Variants in ZNF385D observed in about 807,000 individuals in gnomAD.
ZNF385D encodes zinc finger protein 385D, also known as zinc finger protein 659.
Under a neutral mutation model 35.8 loss-of-function variants are expected in ZNF385D, and 15 were observed. That is an observed-to-expected ratio of 0.42 (90% CI 0.28 to 0.64). The LOEUF (loss-of-function observed/expected upper bound fraction) is 0.64, where lower values mean the gene tolerates loss of function less well. ZNF385D is among the 30% of genes least tolerant of loss of function. The probability of loss-of-function intolerance (pLI) is 0.23; values close to 1 mark genes in which losing one functional copy is unlikely to be tolerated. For missense variants in ZNF385D, 474 were observed against 494.6 expected (o/e 0.96, Z 0.39); for synonymous variants, 212 against 186.8 (o/e 1.13, Z -1.10).
chr3:21,780,917 C>T (rs1385192787), intron 3 of ZNF385D, among the ~76,000 whole-genome samples: 1 of 152,058 alleles, frequency 6.6e-6, no homozygotes. Context: ...GTGGAGGACA[C>T]GATGTGGGCA....
intron 3 of ZNF385D, among the ~76,000 whole-genome samples, chr3:22,127,533 T>A (rs974754329): frequency 3.3e-5 from 5 of 151,674 alleles, no homozygotes; most frequent in Non-Finnish European, 7.4e-5. Context: ...AGAGATGGGG[T>A]TTCACCATGT....
intron 3 of ZNF385D, among the ~76,000 whole-genome samples, chr3:21,531,137 A>G (rs182592684): frequency 6.6e-6 from 1 of 152,296 alleles, no homozygotes; most frequent in Admixed American, 6.5e-5. Flanking sequence ...ACAGATTATG[A>G]TACTTTTAGG....
At chr3:21,811,804 G>A (rs1047680723) in intron 3 of ZNF385D, among the ~76,000 whole-genome samples, 1 of 152,150 alleles carries the variant, frequency 6.6e-6, no homozygotes, top group African/African-American at 2.4e-5. Context: ...AATAAAATAA[G>A]GTGCCTAGGC....
At chr3:21,740,972 T>C (rs73048207) in intron 1 of ZNF385D, among the ~76,000 whole-genome samples, 30,214 of 152,146 alleles carry the variant, frequency 0.2, 3,080 homozygotes, top group Middle Eastern at 0.33. Context: ...GATTCTTTTG[T>C]ACAGCCAGGG....
At chr3:22,251,925 A>G (rs1003608254) in intron 2 of ZNF385D, among the ~76,000 whole-genome samples, 1 of 152,114 alleles carries the variant, frequency 6.6e-6, no homozygotes, top group Non-Finnish European at 1.5e-5. Flanking sequence ...CCTACCTCAC[A>G]GGACTCTGAC....
chr3:21,915,754 A>T (rs551684875), intron 3 of ZNF385D, among the ~76,000 whole-genome samples: 4 of 152,174 alleles, frequency 2.6e-5, no homozygotes, highest in Non-Finnish European at 4.4e-5. Context: ...GAAATCAAGG[A>T]CTTATTTAGA....
chr3:21,626,442 G>C (rs2065137020), intron 2 of ZNF385D, among the ~76,000 whole-genome samples: 1 of 152,116 alleles, frequency 6.6e-6, no homozygotes, highest in Admixed American at 6.6e-5. Flanking sequence ...TTATGTAGAG[G>C]ATGGAATGTC....
rs78080401 is a variant in ZNF385D at position 22,273,133 on chromosome 3, A to T, written c.106+99317T>A. Among the ~76,000 whole-genome samples the T allele has an allele frequency of 6.2e-3, 949 of 152,120 alleles. 12 individuals are homozygous for T. The highest frequency in any genetic ancestry group is 0.022 in the African/African-American group (921 of 41,554). On this transcript the variant is annotated intron_variant, in intron 2 of 5. Coordinates refer to the ZNF385D transcript ENST00000494108. ...AAGAATCATTTTACAGAGTAACAAT[A>T]TATTTCCCTGGACTAAAGGTAAACA...
At chr3:21,689,853 T>C (rs1254957368) in intron 1 of ZNF385D, among the ~76,000 whole-genome samples, 1 of 147,496 alleles carries the variant, frequency 6.8e-6, no homozygotes, top group East Asian at 2.0e-4. Context: ...TCAGATTAAA[T>C]TGAGAACGTC....
At chr3:21,758,182 T>C (rs1244106876) in intron 3 of ZNF385D, among the ~76,000 whole-genome samples, 1 of 152,230 alleles carries the variant, frequency 6.6e-6, no homozygotes, top group African/African-American at 2.4e-5. Flanking sequence ...TAGATGGCAT[T>C]TCCGTGATCT....
chr3:21,811,820 T>C (rs1014117661), intron 3 of ZNF385D, among the ~76,000 whole-genome samples: 9 of 152,198 alleles, frequency 5.9e-5, no homozygotes, highest in Non-Finnish European at 1.2e-4. Flanking sequence ...TAGGCAATCA[T>C]CATGAATTTT....
chr3:22,185,187 C>T (rs915044379), intron 2 of ZNF385D, among the ~76,000 whole-genome samples: 1 of 147,544 alleles, frequency 6.8e-6, no homozygotes, highest in Non-Finnish European at 1.5e-5. Context: ...TTTAAAATTG[C>T]AAGTTTCAAG....
At chr3:21,637,159 C>T (rs1474514595) in intron 2 of ZNF385D, among the ~76,000 whole-genome samples, 1 of 152,036 alleles carries the variant, frequency 6.6e-6, no homozygotes, top group Non-Finnish European at 1.5e-5. Flanking sequence ...GGTTCTTGGT[C>T]ATGAAGTCTT....
At chr3:22,091,588 A>AG (rs1701333400) in intron 3 of ZNF385D, among the ~76,000 whole-genome samples, 1 of 127,294 alleles carries the variant, frequency 7.9e-6, no homozygotes, top group Non-Finnish European at 1.7e-5. Flanking sequence ...TCTACCCAGT[A>AG]GGAAAAAAAA....
At chr3:22,232,974 T>C (rs937433902) in intron 2 of ZNF385D, among the ~76,000 whole-genome samples, 1 of 152,316 alleles carries the variant, frequency 6.6e-6, no homozygotes, top group South Asian at 2.1e-4. Flanking sequence ...GTTTTTATCA[T>C]TTTTGTTTGT....
At chr3:22,000,715 C>G (rs1422937654) in intron 3 of ZNF385D, among the ~76,000 whole-genome samples, 1 of 151,468 alleles carries the variant, frequency 6.6e-6, no homozygotes, top group Non-Finnish European at 1.5e-5. Flanking sequence ...TAGCAGAAAC[C>G]TTACAGGCCA....
chr3:21,501,907 A>G (rs1476149090), intron 4 of ZNF385D, among the ~76,000 whole-genome samples: 2 of 152,204 alleles, frequency 1.3e-5, no homozygotes, highest in Admixed American at 6.5e-5. Context: ...CTATTATATC[A>G]TAAATACTTC....
At chr3:21,444,696 T>A (rs1702053848) in intron 4 of ZNF385D, among the ~76,000 whole-genome samples, 1 of 152,198 alleles carries the variant, frequency 6.6e-6, no homozygotes, top group African/African-American at 2.4e-5. Context: ...TGAATTTCCC[T>A]ATTGATGCCA....
chr3:22,158,508 G>C (rs1290141625), intron 3 of ZNF385D, among the ~76,000 whole-genome samples: 1 of 151,914 alleles, frequency 6.6e-6, no homozygotes, highest in African/African-American at 2.4e-5. Flanking sequence ...TTATTTTCAA[G>C]TTTCTTACAA....
Sources: gnomAD v4.1 joint callset for allele counts (sites outside exome capture counted in the v4.1 genomes callset) on GRCh38, gnomAD v4.1.1 for gene constraint, MANE v1.5 for transcripts, NCBI Gene and HGNC (gene_info 2026-07-23, HGNC 2026-07-21) for gene names.